The following SLC15A4 variants were observed in gnomAD, a reference collection of about 807,000 sequenced individuals.
SLC15A4 encodes solute carrier family 15 member 4.
In SLC15A4, 26 loss-of-function variants were observed where a neutral mutation model predicts 46.1. The ratio of observed to expected loss-of-function variants is 0.56; its 90% confidence interval spans 0.41 to 0.78. SLC15A4 has a LOEUF of 0.78. SLC15A4 is among the 30% of genes least tolerant of loss of function. SLC15A4 has a pLI of 0.00. For missense variants in SLC15A4, 751 were observed against 755.7 expected (o/e 0.99, Z 0.07); for synonymous variants, 370 against 333.4 (o/e 1.11, Z -1.20).
At chr12:128,804,464 G>A (rs2135709732) in intron 5 of SLC15A4, among the ~76,000 whole-genome samples, 1 of 152,328 alleles carries the variant, frequency 6.6e-6, no homozygotes, top group East Asian at 1.9e-4. Context: ...AGGCCCAGTG[G>A]CTCACGCCTG....
intron 5 of SLC15A4, among the ~76,000 whole-genome samples, chr12:128,802,868 G>A (rs559391901): frequency 6.6e-6 from 1 of 152,352 alleles, no homozygotes; most frequent in East Asian, 1.9e-4. Flanking sequence ...GCAGAGAGAT[G>A]AGCAGCGGCA....
In SLC15A4 at chr12:128,823,622, G is replaced by A. The variant is rs1461411208; in HGVS notation, c.322C>T (p.Leu108=). ...ARLGRARAIL[L]SLALYLLGML... Reference sequence around the variant, plus strand: ...CCCAGCAGGTAGAGCGCCAGGCTCAGCAGGATGGCGCGCGCCCGGCCCAGC... The same window carrying A: ...CCCAGCAGGTAGAGCGCCAGGCTCAACAGGATGGCGCGCGCCCGGCCCAGC... The change falls in exon 1 of 8, where the codon CTG becomes TTG. Residue 108 remains leucine (L), a synonymous_variant. Coordinates refer to ENST00000266771, the MANE Select transcript of SLC15A4 (RefSeq NM_145648.4). 9 of 1,473,730 alleles carry A rather than the reference G, an allele frequency of 6.1e-6. No homozygotes were observed. Among genetic ancestry groups the A allele is most frequent in the Non-Finnish European group, 7.2e-6 (8 of 1,117,236 alleles). 91.3% of individuals were successfully genotyped at this position (1,473,730 alleles called of 1,614,324 possible).
At chr12:128,806,391 GA>G (rs947419392) in intron 5 of SLC15A4, among the ~76,000 whole-genome samples, 248 of 150,834 alleles carry the variant, frequency 1.6e-3, no homozygotes, top group African/African-American at 5.2e-3. Context: ...AAGATTAACA[GA>G]AAAAAAAATC....
At chr12:128,802,514 C>T (rs977369529) in intron 5 of SLC15A4, among the ~76,000 whole-genome samples, 2 of 152,118 alleles carry the variant, frequency 1.3e-5, no homozygotes, top group South Asian at 2.1e-4. Context: ...GAAATAAACA[C>T]GAAAGCTGAA....
chr12:128,823,107 G>T (rs1955873195), intron 1 of SLC15A4, among the ~76,000 whole-genome samples: 1 of 152,162 alleles, frequency 6.6e-6, no homozygotes. Context: ...CAAAGTGCTG[G>T]AATTACAGGC....
chr12:128,807,890 T>C (rs1955609054), intron 5 of SLC15A4, among the ~76,000 whole-genome samples: 1 of 152,226 alleles, frequency 6.6e-6, no homozygotes, highest in African/African-American at 2.4e-5. Flanking sequence ...TTTAAATCTA[T>C]TAAGTACTAT....
intron 1 of SLC15A4, among the ~76,000 whole-genome samples, chr12:128,817,054 G>C (rs932226994): frequency 1.3e-5 from 2 of 152,192 alleles, no homozygotes; most frequent in Non-Finnish European, 2.9e-5. Flanking sequence ...GGCCACTATG[G>C]TGGCAGGTAA....
intron 5 of SLC15A4, among the ~76,000 whole-genome samples, chr12:128,802,173 C>G (rs555237822): frequency 6.6e-6 from 1 of 152,262 alleles, no homozygotes; most frequent in South Asian, 2.1e-4. Flanking sequence ...CAGGCAAGGA[C>G]AGCAAACTAT....
intron 5 of SLC15A4, 61 bp from the exon 6 acceptor site, chr12:128,801,070 A>G: frequency 1.4e-6 from 2 of 1,477,036 alleles, no homozygotes; most frequent in East Asian, 4.6e-5. Context: ...TTAATCTAAA[A>G]ATCTGATGTT....
chr12:128,822,649 G>A (rs1462414880), intron 1 of SLC15A4, among the ~76,000 whole-genome samples: 3 of 152,048 alleles, frequency 2.0e-5, no homozygotes, highest in African/African-American at 7.3e-5. Flanking sequence ...CCTCCCGGGT[G>A]CAAGCGATTC....
At chr12:128,796,427 C>G (rs151048414) in intron 7 of SLC15A4, among the ~76,000 whole-genome samples, 1 of 41,732 alleles carries the variant, frequency 2.4e-5, no homozygotes, top group African/African-American at 9.8e-5. Context: ...GAAACTCCAT[C>G]TCAAAAAAAA....
chr12:128,809,885 G>A, intron 3 of SLC15A4, 58 bp downstream of exon 3: 2 of 1,535,922 alleles, frequency 1.3e-6, no homozygotes, highest in Non-Finnish European at 1.8e-6. Context: ...CAAAACAAGT[G>A]CTAGGGTAAG....
chr12:128,811,494 G>A (rs1012485054), intron 2 of SLC15A4, among the ~76,000 whole-genome samples: 4 of 152,230 alleles, frequency 2.6e-5, no homozygotes, highest in Non-Finnish European at 5.9e-5. Context: ...GCCCTGCATT[G>A]CTCTACCTGG....
rs372192334 is a variant in SLC15A4, at chr12:128,823,500, G to A, written c.444C>T (p.Ala148=). The change falls in exon 1 of 8, where the codon GCC becomes GCT. Residue 148 remains alanine, a synonymous_variant. Coordinates refer to ENST00000266771, the MANE Select transcript of SLC15A4 (RefSeq NM_145648.4). ...LLNCTAPGPD[A]AARCCSPATF... is the part of the protein sequence containing the mutation. The stretch of plus-strand genomic sequence containing the variant: ...TGGCCGGTGAGCAGCAGCGGGCGGC[G>A]GCGTCGGGACCAGGCGCCGTGCAGT... 59 of 1,484,664 alleles carry A rather than the reference G, an allele frequency of 4.0e-5. No homozygotes were observed. The highest frequency in any genetic ancestry group is 3.4e-4 in the African/African-American group (23 of 68,292). 92.0% of individuals were successfully genotyped at this position (1,484,664 alleles called of 1,614,324 possible).
At chr12:128,816,994 T>A (rs980119153) in intron 1 of SLC15A4, among the ~76,000 whole-genome samples, 1 of 152,122 alleles carries the variant, frequency 6.6e-6, no homozygotes, top group South Asian at 2.1e-4. Flanking sequence ...AGAAAAAAAA[T>A]TGTGTGCTCC....
chr12:128,809,314 A>G (rs1593010484), intron 4 of SLC15A4, 82 bp downstream of exon 4: 1 of 890,894 alleles, frequency 1.1e-6, no homozygotes, highest in East Asian at 2.5e-5. Flanking sequence ...AACATTTATA[A>G]AAGATTTACA....
intron 6 of SLC15A4, among the ~76,000 whole-genome samples, chr12:128,800,005 C>T (rs1487610845): frequency 1.3e-5 from 2 of 152,042 alleles, no homozygotes; most frequent in African/African-American, 4.8e-5. Context: ...CCATGCCTGG[C>T]TAATTTTTTG....
chr12:128,818,213 C>T (rs529556874), intron 1 of SLC15A4, among the ~76,000 whole-genome samples: 11 of 152,048 alleles, frequency 7.2e-5, no homozygotes, highest in African/African-American at 2.2e-4. Context: ...GGGGAAGATA[C>T]GGCCTGACAT....
chr12:128,817,518 G>A (rs1452732260), intron 1 of SLC15A4, among the ~76,000 whole-genome samples: 1 of 152,124 alleles, frequency 6.6e-6, no homozygotes, highest in Non-Finnish European at 1.5e-5. Context: ...TACCCACAGT[G>A]ACACTGCACA....
Sources: gnomAD v4.1 joint callset for allele counts (sites outside exome capture counted in the v4.1 genomes callset) on GRCh38, gnomAD v4.1.1 for gene constraint, MANE v1.5 for transcripts, NCBI Gene and HGNC (gene_info 2026-07-23, HGNC 2026-07-21) for gene names.